Variants in UBR4 observed in about 807,000 individuals in gnomAD.
UBR4 encodes the protein ubiquitin protein ligase E3 component n-recognin 4, also known as E3 ubiquitin-protein ligase UBR4.
UBR4 carries 124 observed loss-of-function variants against 575.6 expected under a neutral mutation model. The ratio of observed to expected loss-of-function variants is 0.22; its 90% CI spans 0.19 to 0.25. UBR4 has a LOEUF of 0.25. Among genes scored for constraint, UBR4 ranks in the 10% least tolerant of loss-of-function variants. The pLI is 1.00. For missense variants in UBR4, 4,818 were observed against 6,478.8 expected, an observed-to-expected ratio of 0.74 and a Z score of 8.80; for synonymous variants, 2,455 against 2,473.7, an observed-to-expected ratio of 0.99 and a Z score of 0.22.
intron 66 of UBR4, 64 bp downstream of exon 66, chr1:19,122,769 T>C: frequency 1.3e-6 from 2 of 1,568,132 alleles, no homozygotes. Flanking sequence ...CCAGCCCTAT[T>C]ACCTACTTGG....
At chr1:19,174,815 A>G (rs2090045086) in intron 21 of UBR4, 139 bp downstream of exon 21, 2 of 810,456 alleles carry the variant, frequency 2.5e-6, no homozygotes, top group African/African-American at 1.7e-5. Context: ...ACATTTTCCT[A>G]TTAGAATAAG....
chr1:19,099,604 G>A lies in UBR4; in HGVS notation c.13295C>T (p.Thr4432Met), dbSNP rs1415026800. 11 of 1,613,680 alleles carry A rather than the reference G, an allele frequency of 6.8e-6. No homozygotes were observed. Among genetic ancestry groups the A allele is most frequent in the East Asian group, 4.5e-5 (2 of 44,890 alleles). Residue 4432 changes from threonine to methionine, a missense_variant, in exon 90 of 106, where the codon ACG becomes ATG. Physicochemically the swap from Thr to Met is moderately conservative, Grantham distance 81 (BLOSUM62 -1). Around this residue, in one of 29 missense-constraint regions of UBR4, gnomAD observed 19 missense variants for 53.9 expected, o/e 0.35. Transcript: ENST00000375254. ...AEVYKKVWCT[T>M]NEGEPMRIVY... ...GAGAAAGCAGGCACATACCTCATTC[G>A]TGGTACACCAGACTTTCTTGTAAAC...
chr1:19,167,306 C>A, intron 28 of UBR4, 75 bp from the exon 29 acceptor site: 2 of 1,521,372 alleles, frequency 1.3e-6, no homozygotes, highest in Non-Finnish European at 1.8e-6. Context: ...CAGGGTAATT[C>A]AATTACTTGC....
intron 12 of UBR4, 55 bp downstream of exon 12, chr1:19,187,386 C>T: frequency 6.2e-7 from 1 of 1,611,372 alleles, no homozygotes; most frequent in Non-Finnish European, 8.5e-7. Context: ...GCTTGCTTGG[C>T]CAGAAGTGGA....
At chr1:19,172,830 G>A (rs577735374) in intron 25 of UBR4, 34 bp downstream of exon 25, 5 of 1,571,750 alleles carry the variant, frequency 3.2e-6, no homozygotes, top group Non-Finnish European at 4.4e-6. Flanking sequence ...AGTGAAGAGT[G>A]CATGTGCATC....
chr1:19,168,219 C>A (rs1452533398), intron 27 of UBR4, 35 bp from the exon 28 acceptor site: 1 of 1,493,238 alleles, frequency 6.7e-7, no homozygotes, highest in Non-Finnish European at 9.0e-7. Context: ...AATGGATAGA[C>A]CATCTACCCT....
Position 19,139,111 on chromosome 1 carries a change from T to G in UBR4, c.8703A>C (p.Ala2901=). ...TGTGCTCGCCAGCCACTGAGTCCAC[T>G]GCACTGCCCCCGCTCTCCGAGCCCA... The part of the protein sequence containing the change: ...GSVGSESGGS[A]VDSVAGEHSV... The change falls in exon 59 of 106, where the codon GCA becomes GCC. Residue 2901 remains alanine (A), a synonymous_variant. Transcript: ENST00000375254. The surrounding 1 kb of genome is among the most constrained non-coding windows in gnomAD (Gnocchi z 4.2). The G allele has an allele frequency of 6.2e-7, 1 of 1,613,690 alleles. No individual in the cohort carries two copies. The highest frequency in any genetic ancestry group is 8.5e-7 in the Non-Finnish European group (1 of 1,179,794).
intron 19 of UBR4, among the ~76,000 whole-genome samples, chr1:19,177,146 C>A (rs1030034098): frequency 1.3e-5 from 2 of 152,186 alleles, no homozygotes; most frequent in Non-Finnish European, 2.9e-5. Context: ...CAACCACTAA[C>A]AAATACTCAT....
At chr1:19,166,570 T>C (rs1361403966) in intron 29 of UBR4, among the ~76,000 whole-genome samples, 1 of 151,770 alleles carries the variant, frequency 6.6e-6, no homozygotes, top group Non-Finnish European at 1.5e-5. Flanking sequence ...GAATTTTCTG[T>C]TGAAAAACAC....
chr1:19,166,763 G>C (rs1464113106), intron 29 of UBR4, among the ~76,000 whole-genome samples: 8 of 135,566 alleles, frequency 5.9e-5, no homozygotes, highest in Non-Finnish European at 1.1e-4. Context: ...AAAACCAGCT[G>C]GGCATGGTGG....
At position 19,165,726 on chromosome 1, in the gene UBR4, G is replaced by A; in HGVS notation, c.4141C>T (p.Leu1381Phe). The change falls in exon 30 of 106, where the codon CTC becomes TTC. Residue 1381 changes from leucine to phenylalanine, a missense_variant. By Grantham distance (22) the Leu-to-Phe change is conservative (BLOSUM62 0). Coordinates refer to ENST00000375254, the MANE Select transcript of UBR4 (RefSeq NM_020765.3). Reference sequence around the variant, plus strand: ...TCCAGCTGCTTTTCCAAGTACTGGAGACATTCCTCCAGGATGGATTCATCC... The same window carrying A: ...TCCAGCTGCTTTTCCAAGTACTGGAAACATTCCTCCAGGATGGATTCATCC... ...GLDESILEEC[L>F]QYLEKQLESS... is the part of the protein sequence containing the mutation. The A allele has an allele frequency of 1.9e-6, 3 of 1,614,110 alleles. No individual in the cohort carries two copies. Among genetic ancestry groups the A allele is most frequent in the Non-Finnish European group, 2.5e-6 (3 of 1,180,006 alleles).
At chr1:19,171,711 T>A (rs181656403) in intron 25 of UBR4, among the ~76,000 whole-genome samples, 2 of 152,220 alleles carry the variant, frequency 1.3e-5, no homozygotes, top group Admixed American at 1.3e-4. Context: ...TAGCCAGGCA[T>A]GGTGGTATGC....
intron 8 of UBR4, among the ~76,000 whole-genome samples, chr1:19,196,283 T>G (rs2092452080): frequency 1.3e-5 from 2 of 152,200 alleles, no homozygotes; most frequent in Admixed American, 1.3e-4. Flanking sequence ...CACAAATGCC[T>G]TTATCTTTAT....
chr1:19,153,188 G>T lies in UBR4; in HGVS notation c.6832+113C>A. ...TTGGGAAATTAACTTTACAAAATGT[G>T]CAAGTAGGACAGTCACATTTCTTCA... On this transcript the variant is annotated intron_variant, in intron 46 of 105. Transcript: ENST00000375254. The surrounding 1 kb of genome is among the most constrained non-coding windows in gnomAD (Gnocchi z 4.1). 1.6e-6 allele frequency: 2 copies of T among 1,226,468 alleles called. No individual in the cohort carries two copies. The highest frequency in any genetic ancestry group is 2.3e-6 in the Non-Finnish European group (2 of 866,936). The allele number at this position is 1,226,468 out of a possible 1,614,324, so 76.0% of individuals were successfully genotyped here.
intron 15 of UBR4, among the ~76,000 whole-genome samples, chr1:19,184,534 T>C (rs1485861887): frequency 2.0e-5 from 3 of 152,232 alleles, no homozygotes; most frequent in Non-Finnish European, 4.4e-5. Context: ...ATATGAATGA[T>C]TATTACACAT....
At position 19,145,825 on chromosome 1, in the gene UBR4, T is replaced by C; in HGVS notation, c.7913A>G (p.Lys2638Arg). Reference sequence around the variant, plus strand: ...GCAGGCAGGTGCCAAGAAGGCATTCTTGGGTTTGGATGCATGGAGTTTCCA... The same window carrying C: ...GCAGGCAGGTGCCAAGAAGGCATTCCTGGGTTTGGATGCATGGAGTTTCCA... ...HFWKLHASKPKNAFLAPACLP... is the reference protein window; with the variant it reads ...HFWKLHASKPRNAFLAPACLP... Residue 2638 changes from lysine to arginine, a missense_variant, in exon 53 of 106, where the codon AAG (lysine) becomes AGG (arginine). By Grantham distance (26) the Lys-to-Arg change is conservative (BLOSUM62 2). Transcript: ENST00000375254. 1.9e-6 allele frequency: 3 copies of C among 1,614,190 alleles called. No individual in the cohort carries two copies. The highest frequency in any genetic ancestry group is 2.5e-6 in the Non-Finnish European group (3 of 1,180,016).
chr1:19,144,654 A>G (rs1264046081), intron 54 of UBR4, 132 bp downstream of exon 54: 1 of 1,296,244 alleles, frequency 7.7e-7, no homozygotes, highest in African/African-American at 1.5e-5. Flanking sequence ...TAAAGCTTTT[A>G]TTGATATTTG....
In UBR4 at chr1:19,110,551, G is replaced by A. The variant is rs2079732358; in HGVS notation, c.11893-87C>T. On this transcript the variant is annotated intron_variant, in intron 79 of 105. Transcript: ENST00000375254. This position sits in a 1 kb window ranked among gnomAD's most constrained non-coding sequence, Gnocchi z 4.5. ...CTATTAATACAATTTCTGGTCCTAG[G>A]TGGCTCCAACAGAGACAAAGGACAG... The A allele has an allele frequency of 6.1e-6, 9 of 1,470,836 alleles. No homozygotes were observed. Among genetic ancestry groups the A allele is most frequent in the South Asian group, 1.2e-5 (1 of 83,552 alleles). 91.1% of individuals were successfully genotyped at this position (1,470,836 alleles called of 1,614,324 possible). A position where few individuals can be genotyped will look rare whatever the true frequency, so the allele number is the denominator to read the frequency against.
chr1:19,209,990 G>C, intron 1 of UBR4, 83 bp downstream of exon 1: 1 of 1,404,322 alleles, frequency 7.1e-7, no homozygotes, highest in Non-Finnish European at 9.3e-7. Context: ...GCAGGGGGCG[G>C]CCCGGAAAGC....
Sources: allele counts gnomAD v4.1 joint callset (sites outside exome capture counted in the v4.1 genomes callset), GRCh38; gene constraint gnomAD v4.1.1; regional missense constraint gnomAD v4.1.1; non-coding constraint Gnocchi (gnomAD v3.1); transcripts MANE v1.5; gene names NCBI Gene and HGNC (gene_info 2026-07-23, HGNC 2026-07-21).